The following DLG2 variants were observed in gnomAD, a reference collection of about 807,000 sequenced individuals.
DLG2 encodes the protein disks large homolog 2.
DLG2 carries 45 observed loss-of-function variants against 132.5 expected under a neutral mutation model. The ratio of observed to expected loss-of-function variants is 0.34; its 90% CI spans 0.27 to 0.44. The LOEUF (loss-of-function observed/expected upper bound fraction) is 0.44. DLG2 is among the 20% of genes least tolerant of loss of function. DLG2 has a pLI of 1.00. For synonymous variants in DLG2, 424 were observed against 419.6 expected, an observed-to-expected ratio of 1.01 and a Z score of -0.13; for missense variants, 1,045 against 1,196.9, an observed-to-expected ratio of 0.87 and a Z score of 1.87.
intron 6 of DLG2, among the ~76,000 whole-genome samples, chr11:84,794,789 T>G (rs2074340104): frequency 6.6e-6 from 1 of 152,220 alleles, no homozygotes; most frequent in African/African-American, 2.4e-5. Flanking sequence ...AGCACTGACA[T>G]GCCAGCCCCT....
At chr11:84,448,190 A>G (rs1183047519) in intron 7 of DLG2, among the ~76,000 whole-genome samples, 1 of 152,072 alleles carries the variant, frequency 6.6e-6, no homozygotes, top group African/African-American at 2.4e-5. Flanking sequence ...TTTTAAGTAA[A>G]ATTCAGTTAG....
Position 84,544,778 on chromosome 11 carries a change from T to C in DLG2, c.358-10047A>G, listed in dbSNP as rs1376602155. 2.0e-5 allele frequency among the ~76,000 whole-genome samples: 3 copies of C among 152,162 alleles called. No individual in the cohort carries two copies. In the East Asian group the frequency reaches 5.8e-4, roughly 29 times the overall value. On this transcript the variant is annotated intron_variant, in intron 6 of 27. Coordinates refer to ENST00000376104, the MANE Select transcript of DLG2 (RefSeq NM_001142699.3). ...AGTGGCTGCTTGGCAAATGTAATGC[T>C]CCCTTTGGCTTGGAGTCTCAAGAAC... is the stretch of plus-strand genomic sequence containing the variant.
intron 7 of DLG2, among the ~76,000 whole-genome samples, chr11:84,335,574 G>T (rs76864302): frequency 6.6e-6 from 1 of 152,098 alleles, no homozygotes; most frequent in Non-Finnish European, 1.5e-5. Context: ...AACAGTTTAC[G>T]GGTGTTTTAT....
At chr11:83,474,217 C>T (rs906403638) in intron 22 of DLG2, among the ~76,000 whole-genome samples, 3 of 152,092 alleles carry the variant, frequency 2.0e-5, no homozygotes, top group Non-Finnish European at 2.9e-5. Flanking sequence ...TTCACTATTT[C>T]TTGTACTCAG....
chr11:83,610,433 C>G (rs1390000176), intron 19 of DLG2, among the ~76,000 whole-genome samples: 3 of 152,192 alleles, frequency 2.0e-5, no homozygotes, highest in Non-Finnish European at 4.4e-5. Context: ...AAAAGGGAAA[C>G]AGTAAGCTAA....
chr11:83,812,398 C>T (rs547674886), intron 17 of DLG2, among the ~76,000 whole-genome samples: 3 of 152,214 alleles, frequency 2.0e-5, no homozygotes, highest in Admixed American at 2.0e-4. Flanking sequence ...ATTTATTGAA[C>T]ATCTACAATG....
At chr11:85,024,805 T>A (rs1358658239) in intron 6 of DLG2, among the ~76,000 whole-genome samples, 4 of 152,198 alleles carry the variant, frequency 2.6e-5, no homozygotes, top group African/African-American at 9.7e-5. Context: ...CTAACATATT[T>A]TCAGGTCTCT....
chr11:84,485,168 G>T (rs938173631), intron 7 of DLG2, among the ~76,000 whole-genome samples: 15 of 152,002 alleles, frequency 9.9e-5, no homozygotes, highest in African/African-American at 3.6e-4. Flanking sequence ...TCCTAAATCA[G>T]CTAAAAGAGC....
chr11:84,968,073 T>A (rs188342023), intron 6 of DLG2, among the ~76,000 whole-genome samples: 128 of 152,220 alleles, frequency 8.4e-4, no homozygotes, highest in African/African-American at 3.0e-3. Flanking sequence ...GAATAGAAGT[T>A]TATAAAACTT....
chr11:85,075,827 A>C (rs2066467485), intron 6 of DLG2, among the ~76,000 whole-genome samples: 1 of 151,948 alleles, frequency 6.6e-6, no homozygotes, highest in Non-Finnish European at 1.5e-5. Flanking sequence ...CACAGTGGTA[A>C]CCTCTGGGAA....
At chr11:85,454,138 C>G (rs951561089) in intron 3 of DLG2, among the ~76,000 whole-genome samples, 1 of 150,654 alleles carries the variant, frequency 6.6e-6, no homozygotes, top group African/African-American at 2.4e-5. Context: ...CATATATGTA[C>G]CACATTTTCT....
chr11:84,367,800 C>A (rs754435434), intron 7 of DLG2, among the ~76,000 whole-genome samples: 1 of 152,028 alleles, frequency 6.6e-6, no homozygotes. Flanking sequence ...TCCTCCAGGA[C>A]CTTAACGAAT....
chr11:83,862,499 T>A (rs2061610185), intron 16 of DLG2, among the ~76,000 whole-genome samples: 3 of 152,148 alleles, frequency 2.0e-5, no homozygotes, highest in Non-Finnish European at 2.9e-5. Context: ...AATATATTTA[T>A]AAATTTATAA....
intron 7 of DLG2, among the ~76,000 whole-genome samples, chr11:84,506,018 G>C (rs1177627794): frequency 6.6e-6 from 1 of 151,528 alleles, no homozygotes; most frequent in East Asian, 1.9e-4. Flanking sequence ...TAAGGACCTT[G>C]AGATGGCGAG....
intron 4 of DLG2, among the ~76,000 whole-genome samples, chr11:85,236,065 A>C (rs2075571855): frequency 6.6e-6 from 1 of 151,926 alleles, no homozygotes; most frequent in Admixed American, 6.6e-5. Flanking sequence ...TTACTAAAAA[A>C]AGTTAAGTCT....
At chr11:83,906,319 A>ACACC (rs1565586904) in intron 15 of DLG2, among the ~76,000 whole-genome samples, 2 of 65,874 alleles carry the variant, frequency 3.0e-5, no homozygotes, top group Non-Finnish European at 6.2e-5. Flanking sequence ...ACACACACAC[A>ACACC]CCTCGGCCTC....
chr11:84,344,458 C>T (rs573006320), intron 7 of DLG2, among the ~76,000 whole-genome samples: 1 of 152,296 alleles, frequency 6.6e-6, no homozygotes, highest in South Asian at 2.1e-4. Context: ...TAAACCTACA[C>T]CTCTTCTAAT....
chr11:83,506,520 G>A (rs577124991), intron 21 of DLG2, among the ~76,000 whole-genome samples: 1 of 152,304 alleles, frequency 6.6e-6, no homozygotes, highest in African/African-American at 2.4e-5. Context: ...GACGCAAATA[G>A]GGGTGTTGGA....
At chr11:83,723,593 G>A (rs969134878) in intron 18 of DLG2, among the ~76,000 whole-genome samples, 3 of 151,704 alleles carry the variant, frequency 2.0e-5, no homozygotes, top group Non-Finnish European at 4.4e-5. Context: ...AGTGGCTCAC[G>A]CCTGTAATCT....
Sources: allele counts gnomAD v4.1 joint callset (sites outside exome capture counted in the v4.1 genomes callset), GRCh38; gene constraint gnomAD v4.1.1; transcripts MANE v1.5; gene names NCBI Gene and HGNC (gene_info 2026-07-23, HGNC 2026-07-21).